Variants in GLIS3 observed in about 807,000 individuals in gnomAD.
GLIS3 encodes the protein GLIS family zinc finger 3.
A neutral mutation model predicts 78.6 loss-of-function variants in GLIS3; 53 were observed. The observed-to-expected ratio is 0.67, with a 90% CI of 0.54 to 0.85. The LOEUF is 0.85. Ranked by LOEUF, GLIS3 falls within the 40% of genes least tolerant of loss-of-function variation. GLIS3 has a pLI of 0.00. For synonymous variants in GLIS3, 684 were observed against 509.9 expected, an observed-to-expected ratio of 1.34 and a Z score of -4.60; for missense variants, 1,703 against 1,231.1, an observed-to-expected ratio of 1.38 and a Z score of -5.74.
intron 2 of GLIS3, among the ~76,000 whole-genome samples, chr9:4,144,128 A>C (rs1383436279): frequency 6.6e-6 from 1 of 152,178 alleles, no homozygotes; most frequent in African/African-American, 2.4e-5. Flanking sequence ...AAGGGAACAA[A>C]GATCGAGAAA....
At chr9:3,886,398 AT>A (rs1234408577) in intron 7 of GLIS3, among the ~76,000 whole-genome samples, 2 of 152,188 alleles carry the variant, frequency 1.3e-5, no homozygotes, top group Non-Finnish European at 2.9e-5. Context: ...CCCATAATGC[AT>A]TTCAGTTTAA....
At chr9:4,084,732 C>G (rs1383828972) in intron 4 of GLIS3, among the ~76,000 whole-genome samples, 2 of 152,172 alleles carry the variant, frequency 1.3e-5, no homozygotes, top group African/African-American at 4.8e-5. Context: ...GCGCTTCAAG[C>G]TCCGAGCTCT....
intron 6 of GLIS3, among the ~76,000 whole-genome samples, chr9:3,924,431 A>G (rs912706500): frequency 3.3e-5 from 5 of 152,224 alleles, no homozygotes; most frequent in Non-Finnish European, 5.9e-5. Flanking sequence ...TCCTGAAGCA[A>G]TTCATGGCAG....
At chr9:4,418,922 G>A in the GLIS3 span, among the ~76,000 whole-genome samples, 1 of 152,184 alleles carries the variant, frequency 6.6e-6, no homozygotes, top group Non-Finnish European at 1.5e-5. Context: ...TGCCCTGCAT[G>A]GTAGAAATGT....
intron 2 of GLIS3, among the ~76,000 whole-genome samples, chr9:4,237,174 T>G (rs963848430): frequency 5.0e-5 from 6 of 119,938 alleles, no homozygotes; most frequent in Admixed American, 2.5e-4. Context: ...GAAAACTGTA[T>G]TATGTATTAT....
At chr9:4,187,386 T>G (rs1360796577) in intron 2 of GLIS3, among the ~76,000 whole-genome samples, 1 of 152,210 alleles carries the variant, frequency 6.6e-6, no homozygotes, top group Non-Finnish European at 1.5e-5. Flanking sequence ...CCATGCTGTT[T>G]TGGTTACTGT....
chr9:3,843,147 G>T (rs987955533), intron 9 of GLIS3, among the ~76,000 whole-genome samples: 4 of 152,180 alleles, frequency 2.6e-5, no homozygotes, highest in African/African-American at 7.2e-5. Context: ...TTGTGGCTTA[G>T]ACTTCTGTTG....
intron 6 of GLIS3, among the ~76,000 whole-genome samples, chr9:3,901,495 A>G (rs1426662661): frequency 6.6e-6 from 1 of 152,222 alleles, no homozygotes; most frequent in Non-Finnish European, 1.5e-5. Flanking sequence ...TGGTTGCTAT[A>G]CATTACCAGC....
chr9:3,991,760 G>C (rs531943237), intron 4 of GLIS3, among the ~76,000 whole-genome samples: 1 of 145,486 alleles, frequency 6.9e-6, no homozygotes, highest in Non-Finnish European at 1.5e-5. Flanking sequence ...GTGGGATCTC[G>C]GCTCACTGCA....
chr9:3,903,388 C>T (rs1038540408), intron 6 of GLIS3, among the ~76,000 whole-genome samples: 2 of 152,200 alleles, frequency 1.3e-5, no homozygotes, highest in Admixed American at 6.5e-5. Flanking sequence ...CTGCTCTTTG[C>T]GGAGAAAAGT....
At chr9:3,915,316 C>T (rs536867067) in intron 6 of GLIS3, among the ~76,000 whole-genome samples, 14 of 152,238 alleles carry the variant, frequency 9.2e-5, no homozygotes, top group South Asian at 6.2e-4. Context: ...GAAGTTCAGA[C>T]TAGAAAGTCA....
At chr9:4,477,977 G>T in the GLIS3 span, among the ~76,000 whole-genome samples, 34 of 152,174 alleles carry the variant, frequency 2.2e-4, no homozygotes, top group South Asian at 6.7e-3. Context: ...CACTGAAAAG[G>T]CCCAGAAACA....
intron 2 of GLIS3, among the ~76,000 whole-genome samples, chr9:4,210,857 G>A (rs1223989414): frequency 1.3e-5 from 2 of 152,196 alleles, no homozygotes; most frequent in Non-Finnish European, 2.9e-5. Context: ...AACTTGGAAT[G>A]TCTGCCATTT....
chr9:4,221,416 G>C (rs1467924557), intron 2 of GLIS3, among the ~76,000 whole-genome samples: 3 of 152,120 alleles, frequency 2.0e-5, no homozygotes, highest in Non-Finnish European at 4.4e-5. Context: ...GCATTTTCTT[G>C]GAAACTTCAA....
intron 6 of GLIS3, among the ~76,000 whole-genome samples, chr9:3,918,044 A>C (rs1449147152): frequency 6.6e-6 from 1 of 152,232 alleles, no homozygotes; most frequent in African/African-American, 2.4e-5. Flanking sequence ...GATGGCACTC[A>C]TGGGCAGGAC....
At chr9:4,215,331 G>A (rs1486315905) in intron 2 of GLIS3, among the ~76,000 whole-genome samples, 3 of 12,460 alleles carry the variant, frequency 2.4e-4, no homozygotes, top group Non-Finnish European at 6.3e-4. Context: ...GTGCATATGT[G>A]TGTGTGTGTG....
chr9:3,982,977 T>C (rs1029424054), intron 4 of GLIS3, among the ~76,000 whole-genome samples: 1 of 152,200 alleles, frequency 6.6e-6, no homozygotes, highest in Non-Finnish European at 1.5e-5. Context: ...TGAGGGTCTC[T>C]TGGCCAAGAA....
At chr9:4,326,839 C>T (rs540419556) in intron 2 of GLIS3, among the ~76,000 whole-genome samples, 17 of 152,204 alleles carry the variant, frequency 1.1e-4, no homozygotes, top group African/African-American at 4.1e-4. Context: ...AGAACAAGTA[C>T]ATAAGGACTG....
chr9:4,029,326 T>C (rs1419304837), intron 4 of GLIS3, among the ~76,000 whole-genome samples: 9 of 151,904 alleles, frequency 5.9e-5, no homozygotes, highest in Non-Finnish European at 1.2e-4. Context: ...TAAAAAATGT[T>C]TGTGGGTTCA....
Sources: gnomAD v4.1 joint callset for allele counts (sites outside exome capture counted in the v4.1 genomes callset) on GRCh38, gnomAD v4.1.1 for gene constraint, MANE v1.5 for transcripts, NCBI Gene and HGNC (gene_info 2026-07-23, HGNC 2026-07-21) for gene names.